Variants in SPIRE1 observed in about 807,000 individuals in gnomAD.
SPIRE1 encodes the protein protein spire homolog 1.
A neutral mutation model predicts 94.1 loss-of-function variants in SPIRE1; 40 were observed. The observed-to-expected ratio is 0.43, with a 90% confidence interval of 0.33 to 0.55. The LOEUF (loss-of-function observed/expected upper bound fraction) is 0.55. Ranked by LOEUF, SPIRE1 falls within the 20% of genes least tolerant of loss-of-function variation. The pLI is 0.06. For missense variants in SPIRE1, 838 were observed against 975.2 expected (o/e 0.86, Z 1.87); for synonymous variants, 376 against 371.7 (o/e 1.01, Z -0.13).
At chr18:12,644,014 T>G (rs2038154021) in intron 1 of SPIRE1, among the ~76,000 whole-genome samples, 2 of 128,024 alleles carry the variant, frequency 1.6e-5, no homozygotes, top group African/African-American at 3.0e-5. Context: ...GCCAACATGG[T>G]GAAACCCTGT....
chr18:12,490,573 T>C (rs532273018), intron 8 of SPIRE1, among the ~76,000 whole-genome samples: 17 of 152,082 alleles, frequency 1.1e-4, no homozygotes, highest in Non-Finnish European at 1.2e-4. Context: ...ATCAGCACAA[T>C]AAAAGGATCA....
intron 1 of SPIRE1, among the ~76,000 whole-genome samples, chr18:12,653,616 G>A (rs887063237): frequency 6.6e-6 from 1 of 152,170 alleles, no homozygotes; most frequent in Non-Finnish European, 1.5e-5. Flanking sequence ...TTGATTCAAA[G>A]AGTTACTAAT....
At chr18:12,624,469 G>C (rs2037563971) in intron 2 of SPIRE1, among the ~76,000 whole-genome samples, 1 of 150,880 alleles carries the variant, frequency 6.6e-6, no homozygotes, top group Admixed American at 6.6e-5. Flanking sequence ...CTTGAACCCA[G>C]GAGGCGGGGG....
At chr18:12,539,596 C>A (rs553618941) in intron 3 of SPIRE1, among the ~76,000 whole-genome samples, 1 of 150,064 alleles carries the variant, frequency 6.7e-6, no homozygotes, top group South Asian at 2.2e-4. Context: ...CGCACACACA[C>A]ACACACACAC....
At chr18:12,511,117 C>T (rs990716936) in intron 5 of SPIRE1, among the ~76,000 whole-genome samples, 1 of 152,192 alleles carries the variant, frequency 6.6e-6, no homozygotes, top group Non-Finnish European at 1.5e-5. Context: ...TAACTGTTCA[C>T]TGGATAAATA....
At chr18:12,657,249 G>A (rs2038569965) in intron 1 of SPIRE1, among the ~76,000 whole-genome samples, 1 of 147,822 alleles carries the variant, frequency 6.8e-6, no homozygotes, top group Non-Finnish European at 1.5e-5. Context: ...GCAGCACAAT[G>A]ACGAGCGCCC....
chr18:12,649,488 C>A (rs2038317339), intron 1 of SPIRE1, among the ~76,000 whole-genome samples: 1 of 152,166 alleles, frequency 6.6e-6, no homozygotes, highest in Non-Finnish European at 1.5e-5. Flanking sequence ...AAACAAATAT[C>A]TGAAAGAAGT....
At chr18:12,537,048 T>C (rs893914445) in intron 3 of SPIRE1, among the ~76,000 whole-genome samples, 1 of 152,212 alleles carries the variant, frequency 6.6e-6, no homozygotes, top group Admixed American at 6.5e-5. Context: ...TTACACAATC[T>C]AATAGATCAC....
intron 4 of SPIRE1, among the ~76,000 whole-genome samples, chr18:12,529,463 G>A (rs923937201): frequency 6.6e-6 from 1 of 152,044 alleles, no homozygotes; most frequent in Non-Finnish European, 1.5e-5. Context: ...AAGGGTGTGA[G>A]TGAAAAAATC....
At chr18:12,597,527 C>T (rs1003511683) in intron 2 of SPIRE1, among the ~76,000 whole-genome samples, 1 of 152,184 alleles carries the variant, frequency 6.6e-6, no homozygotes, top group Non-Finnish European at 1.5e-5. Flanking sequence ...CTGGGCCTGG[C>T]ACTTTTTTTA....
At chr18:12,615,037 A>C (rs529593649) in intron 2 of SPIRE1, among the ~76,000 whole-genome samples, 1 of 150,836 alleles carries the variant, frequency 6.6e-6, no homozygotes, top group South Asian at 2.1e-4. Context: ...AAAAATACAA[A>C]AAATTGGCTC....
chr18:12,659,877 T>A (rs536214216), upstream of SPIRE1, among the ~76,000 whole-genome samples: 1 of 152,292 alleles, frequency 6.6e-6, no homozygotes, highest in South Asian at 2.1e-4. Flanking sequence ...TATATACATA[T>A]AAATATATCT....
At chr18:12,554,573 C>T (rs1371164154) in intron 2 of SPIRE1, among the ~76,000 whole-genome samples, 1 of 152,144 alleles carries the variant, frequency 6.6e-6, no homozygotes, top group Non-Finnish European at 1.5e-5. Context: ...TAAAGAAGAA[C>T]TAATACCAAT....
chr18:12,511,293 G>A (rs1485577130), intron 5 of SPIRE1, among the ~76,000 whole-genome samples: 1 of 152,216 alleles, frequency 6.6e-6, no homozygotes, highest in African/African-American at 2.4e-5. Context: ...AGTGGTGGAT[G>A]AGCAAGCGTT....
chr18:12,577,039 A>G (rs2036123408), intron 2 of SPIRE1, among the ~76,000 whole-genome samples: 1 of 152,198 alleles, frequency 6.6e-6, no homozygotes, highest in Non-Finnish European at 1.5e-5. Flanking sequence ...AGGTAGTTCA[A>G]TGGGGAAAGG....
chr18:12,463,488 G>C lies in SPIRE1; in HGVS notation c.1501C>G (p.Pro501Ala), dbSNP rs150770551. The change falls in exon 12 of 17, where the codon CCA becomes GCA. Residue 501 changes from proline to alanine, a missense_variant. Physicochemically the swap from Pro to Ala is conservative, Grantham distance 27 (BLOSUM62 -1). Transcript: ENST00000409402. Reference protein sequence around the residue: ...LEAVSTRKKPPKFLPISSTPQ... With the variant: ...LEAVSTRKKPAKFLPISSTPQ... ...GTTGATGATATGGGCAGGAATTTTG[G>C]AGGCTCTAAAGATTGAACCAAATGA... 1.9e-6 allele frequency: 3 copies of C among 1,612,408 alleles called. No individual in the cohort carries two copies. The highest frequency in any genetic ancestry group is 2.5e-6 in the Non-Finnish European group (3 of 1,179,276).
upstream of SPIRE1, chr18:12,661,304 A>G: frequency 2.2e-6 from 2 of 914,832 alleles, no homozygotes; most frequent in Non-Finnish European, 2.6e-6. Flanking sequence ...GTGAGCCTTC[A>G]TCTCAAAAAA....
upstream of SPIRE1, chr18:12,658,373 G>A: frequency 2.4e-6 from 1 of 409,818 alleles, no homozygotes; most frequent in Non-Finnish European, 4.9e-6. Context: ...GTCCGGAGGG[G>A]ATGCGCGGCC....
chr18:12,597,416 C>A (rs566656309), intron 2 of SPIRE1, among the ~76,000 whole-genome samples: 1 of 152,204 alleles, frequency 6.6e-6, no homozygotes, highest in East Asian at 1.9e-4. Flanking sequence ...TCTGTGTGGG[C>A]AAGCATCGAA....
Sources: allele counts gnomAD v4.1 joint callset (sites outside exome capture counted in the v4.1 genomes callset), GRCh38; gene constraint gnomAD v4.1.1; transcripts MANE v1.5; gene names NCBI Gene and HGNC (gene_info 2026-07-23, HGNC 2026-07-21).